Variants in NRXN1 observed in about 807,000 individuals in gnomAD.
NRXN1 encodes neurexin 1.
In NRXN1, 39 loss-of-function variants were observed where a neutral mutation model predicts 150.9. The ratio of observed to expected loss-of-function variants is 0.26; its 90% CI spans 0.20 to 0.34. The LOEUF (loss-of-function observed/expected upper bound fraction) is 0.34, where lower values mean the gene tolerates loss of function less well. NRXN1 is among the 10% of genes least tolerant of loss of function. The probability of loss-of-function intolerance (pLI) is 1.00; values close to 1 mark genes in which losing one functional copy is unlikely to be tolerated. For missense variants in NRXN1, 1,815 were observed against 1,949.9 expected, an observed-to-expected ratio of 0.93 and a Z score of 1.30; for synonymous variants, 924 against 757.0, an observed-to-expected ratio of 1.22 and a Z score of -3.62.
At chr2:50,934,919 A>C (rs1688292997) in intron 2 of NRXN1, among the ~76,000 whole-genome samples, 1 of 152,158 alleles carries the variant, frequency 6.6e-6, no homozygotes. Context: ...TTTTCATCAT[A>C]AGTCTTTTCC....
At position 50,963,998 on chromosome 2, in the gene NRXN1, T is replaced by G. The variant is rs370276987; in HGVS notation, c.773-38043A>C. ...TCATTGTCCTTCTCTTTATGAAAAA[T>G]AGAGCAACATGCTAATCAGCATTTA... is the stretch of plus-strand genomic sequence containing the variant. On this transcript the variant is annotated intron_variant, in intron 2 of 22. Transcript: ENST00000401669. 7.7e-3 allele frequency: 3,405 copies of G among 439,506 alleles called. 117 individuals carry two copies. Among genetic ancestry groups the G allele is most frequent in the South Asian group, 0.054 (3,303 of 61,084 alleles). 27.2% of individuals were successfully genotyped at this position (439,506 alleles called of 1,614,324 possible). A position where few individuals can be genotyped will look rare whatever the true frequency, so the allele number is the denominator to read the frequency against.
intron 21 of NRXN1, chr2:49,944,976 T>C (rs1158159664): frequency 6.6e-6 from 1 of 152,228 alleles, no homozygotes; most frequent in East Asian, 1.9e-4. Flanking sequence ...TGTGGCATTT[T>C]GAAAAATGGA....
chr2:50,643,996 C>T (rs942669425), intron 5 of NRXN1, among the ~76,000 whole-genome samples: 2 of 151,704 alleles, frequency 1.3e-5, no homozygotes, highest in Non-Finnish European at 3.0e-5. Context: ...TTCAGAGGCA[C>T]AAAGTTGTTG....
intron 21 of NRXN1, among the ~76,000 whole-genome samples, chr2:50,045,927 G>A (rs980371248): frequency 2.0e-5 from 3 of 152,134 alleles, no homozygotes; most frequent in African/African-American, 7.2e-5. Context: ...CTCACAGCTG[G>A]AAGTACTTGA....
intron 5 of NRXN1, among the ~76,000 whole-genome samples, chr2:50,868,937 C>A (rs568882215): frequency 2.8e-4 from 43 of 151,850 alleles, no homozygotes; most frequent in African/African-American, 1.0e-3. Context: ...AAAATTAGTT[C>A]CTAAATGCCA....
At chr2:50,370,624 T>C (rs1016863841) in intron 17 of NRXN1, among the ~76,000 whole-genome samples, 3 of 152,018 alleles carry the variant, frequency 2.0e-5, no homozygotes, top group Admixed American at 6.6e-5. Flanking sequence ...TTTTTTTCTA[T>C]AGCACTAAGT....
chr2:50,729,959 G>A (rs1207527627), intron 5 of NRXN1, among the ~76,000 whole-genome samples: 1 of 152,174 alleles, frequency 6.6e-6, no homozygotes, highest in Non-Finnish European at 1.5e-5. Flanking sequence ...CTGAGTGAGA[G>A]AGATTTCATC....
At chr2:50,587,232 C>T (rs760823588) in intron 8 of NRXN1, among the ~76,000 whole-genome samples, 5 of 152,308 alleles carry the variant, frequency 3.3e-5, no homozygotes, top group Non-Finnish European at 5.9e-5. Context: ...CACCTGTAAT[C>T]CCAACTCTTT....
At chr2:50,206,783 T>C (rs2062613655) in intron 18 of NRXN1, among the ~76,000 whole-genome samples, 1 of 151,120 alleles carries the variant, frequency 6.6e-6, no homozygotes, top group South Asian at 2.1e-4. Context: ...ACATATATAG[T>C]ATATATTTAA....
intron 5 of NRXN1, among the ~76,000 whole-genome samples, chr2:50,766,758 A>G (rs9309197): frequency 0.6 from 90,659 of 151,766 alleles, 27,131 homozygotes; most frequent in East Asian, 0.67. Flanking sequence ...GGGAGGGTCA[A>G]TTACCAGGAC....
At chr2:50,834,846 T>C (rs1174150837) in intron 5 of NRXN1, among the ~76,000 whole-genome samples, 1 of 152,102 alleles carries the variant, frequency 6.6e-6, no homozygotes, top group Non-Finnish European at 1.5e-5. Flanking sequence ...AGATGGTCCT[T>C]AGTGCACGCC....
intron 15 of NRXN1, among the ~76,000 whole-genome samples, chr2:50,481,619 G>C (rs1235393062): frequency 2.6e-5 from 4 of 152,026 alleles, no homozygotes; most frequent in Non-Finnish European, 5.9e-5. Flanking sequence ...CACTTACGTG[G>C]GACAAGTTGG....
intron 8 of NRXN1, among the ~76,000 whole-genome samples, chr2:50,611,572 A>G (rs1030644504): frequency 6.6e-6 from 1 of 152,064 alleles, no homozygotes; most frequent in African/African-American, 2.4e-5. Context: ...CCAATTGTTT[A>G]TTTCCCTTGC....
chr2:50,583,144 A>G (rs901830604), intron 8 of NRXN1, among the ~76,000 whole-genome samples: 12 of 151,806 alleles, frequency 7.9e-5, no homozygotes, highest in Admixed American at 7.2e-4. Context: ...TCAAACTCCT[A>G]GGTTCAAGCA....
At chr2:50,717,392 C>T (rs1366198524) in intron 5 of NRXN1, among the ~76,000 whole-genome samples, 1 of 152,076 alleles carries the variant, frequency 6.6e-6, no homozygotes, top group African/African-American at 2.4e-5. Flanking sequence ...ATGCAGATTG[C>T]CAGGTTGGGT....
chr2:50,096,117 T>A (rs1265069684), intron 18 of NRXN1, among the ~76,000 whole-genome samples: 2 of 152,088 alleles, frequency 1.3e-5, no homozygotes, highest in Non-Finnish European at 2.9e-5. Flanking sequence ...AGAATGGAAC[T>A]GAAGGCTATC....
intron 5 of NRXN1, among the ~76,000 whole-genome samples, chr2:50,723,776 A>G (rs1240743921): frequency 6.6e-6 from 1 of 152,186 alleles, no homozygotes; most frequent in Non-Finnish European, 1.5e-5. Context: ...GACTCAGTGA[A>G]AAAGGAGACT....
chr2:50,823,025 G>A (rs1276385483), intron 5 of NRXN1, among the ~76,000 whole-genome samples: 3 of 152,172 alleles, frequency 2.0e-5, no homozygotes, highest in African/African-American at 7.2e-5. Flanking sequence ...ATTAGAGAAA[G>A]TAACTATAGA....
At chr2:50,706,555 T>G (rs776477772) in intron 5 of NRXN1, among the ~76,000 whole-genome samples, 1 of 152,156 alleles carries the variant, frequency 6.6e-6, no homozygotes, top group Non-Finnish European at 1.5e-5. Context: ...AGATGAACAT[T>G]GGCTTTACAA....
Sources: allele counts gnomAD v4.1 joint callset (sites outside exome capture counted in the v4.1 genomes callset), GRCh38; gene constraint gnomAD v4.1.1; transcripts MANE v1.5; gene names NCBI Gene and HGNC (gene_info 2026-07-23, HGNC 2026-07-21).